PARVB: variants seen among roughly 807,000 people sequenced by gnomAD.
PARVB encodes the protein beta-parvin.
A neutral mutation model predicts 47.0 loss-of-function variants in PARVB; 46 were observed. The observed-to-expected ratio is 0.98, with a 90% confidence interval of 0.77 to 1.25. The LOEUF (loss-of-function observed/expected upper bound fraction) is 1.25. Among genes scored for constraint, PARVB ranks in the 50% most tolerant of loss-of-function variants. The pLI is 0.00. For missense variants in PARVB, 473 were observed against 471.6 expected (o/e 1.00, Z -0.03); for synonymous variants, 196 against 196.3 (o/e 1.00, Z 0.01).
chr22:44,081,308 G>A (rs1325505546), intron 1 of PARVB, among the ~76,000 whole-genome samples: 2 of 152,122 alleles, frequency 1.3e-5, no homozygotes, highest in Non-Finnish European at 2.9e-5. Context: ...AGCAGGCCGG[G>A]TCCTCCTGTT....
intron 1 of PARVB, among the ~76,000 whole-genome samples, chr22:44,051,105 A>G (rs1251228963): frequency 1.3e-5 from 2 of 152,210 alleles, no homozygotes; most frequent in Non-Finnish European, 2.9e-5. Context: ...AGTAACAGCC[A>G]TGGGGGCAGA....
In PARVB at chr22:44,100,449, G is replaced by C. The variant is rs145367555; in HGVS notation, c.273+326G>C. Among the ~76,000 whole-genome samples the C allele has an allele frequency of 7.6e-3, 1,163 of 152,252 alleles. 58 individuals carry two copies. The highest frequency in any genetic ancestry group is 0.063 in the Admixed American group (965 of 15,294). Reference sequence around the variant, plus strand: ...GCTAGTGTAGTACCTTACAGATGGAGTTGGAACTCCGTCTGGAGCCTGGTG... The same window carrying C: ...GCTAGTGTAGTACCTTACAGATGGACTTGGAACTCCGTCTGGAGCCTGGTG... On this transcript the variant is annotated intron_variant, in intron 3 of 12. Coordinates refer to ENST00000338758, the MANE Select transcript of PARVB (RefSeq NM_013327.5).
chr22:44,163,681 G>A (rs897241179), intron 11 of PARVB, among the ~76,000 whole-genome samples, 177 bp from the exon 12 acceptor site: 2 of 152,124 alleles, frequency 1.3e-5, no homozygotes, highest in Admixed American at 1.3e-4. Context: ...ATGGCCCTCC[G>A]CAGACTTCCT....
At chr22:44,131,416 A>G (rs958604138) in intron 4 of PARVB, 71 bp from the exon 5 acceptor site, 24 of 1,545,336 alleles carry the variant, frequency 1.6e-5, no homozygotes, top group Admixed American at 5.4e-5. Context: ...TGCTGGGATT[A>G]CAGGCATGAG....
chr22:44,018,821 G>T (rs934039322), intron 2 of PARVB, among the ~76,000 whole-genome samples: 2 of 152,164 alleles, frequency 1.3e-5, no homozygotes, highest in African/African-American at 4.8e-5. Context: ...CACATGGGCG[G>T]GCTTGCCATG....
At chr22:44,110,420 C>T (rs900152958) in intron 3 of PARVB, 1 of 152,004 alleles carries the variant, frequency 6.6e-6, no homozygotes, top group African/African-American at 2.4e-5. Flanking sequence ...CTTGGACACC[C>T]CTTTCTGTTC....
chr22:44,167,522 A>G (rs1343381291), intron 12 of PARVB, among the ~76,000 whole-genome samples: 1 of 152,042 alleles, frequency 6.6e-6, no homozygotes, highest in Non-Finnish European at 1.5e-5. Flanking sequence ...AGAGGGGGCC[A>G]GGAGGTGATG....
At position 44,144,235 on chromosome 22, in the gene PARVB, G is replaced by C. The variant is rs376205701; in HGVS notation, c.713-3626G>C. On this transcript the variant is annotated intron_variant, in intron 8 of 12. Coordinates refer to ENST00000338758, the MANE Select transcript of PARVB (RefSeq NM_013327.5). ...CCCAGCCCTTGGTTCATGGGTCCCA[G>C]ACTCAGGTGTCTCCAGGGACCAGGC... 3.9e-5 allele frequency: 6 copies of C among 152,298 alleles called. 1 individual carries two copies. The East Asian group carries it at 5.8e-4, about 15-fold the overall frequency. The allele number at this position is 152,298 out of a possible 1,614,324, so 9.4% of individuals were successfully genotyped here.
chr22:44,022,474 A>T (rs953462696), upstream of PARVB, among the ~76,000 whole-genome samples: 1 of 151,898 alleles, frequency 6.6e-6, no homozygotes, highest in Admixed American at 6.6e-5. Context: ...GTTCTCCTTG[A>T]CCACAAACTC....
chr22:44,087,232 G>A (rs1352999075), intron 1 of PARVB, among the ~76,000 whole-genome samples: 1 of 152,150 alleles, frequency 6.6e-6, no homozygotes, highest in Non-Finnish European at 1.5e-5. Flanking sequence ...GAAATTTCTC[G>A]CCCTGATCTT....
intron 1 of PARVB, among the ~76,000 whole-genome samples, chr22:44,058,618 G>A (rs191667889): frequency 5.8e-5 from 8 of 138,756 alleles, no homozygotes; most frequent in Non-Finnish European, 1.1e-4. Flanking sequence ...GCAATGGCAC[G>A]ATCTTGGCTC....
chr22:44,155,533 A>G lies in PARVB; in HGVS notation c.844-2449A>G, dbSNP rs570571001. On this transcript the variant is annotated intron_variant, in intron 10 of 12. Coordinates refer to ENST00000338758, the MANE Select transcript of PARVB (RefSeq NM_013327.5). This position sits in a 1 kb window ranked among gnomAD's most constrained non-coding sequence, Gnocchi z 4.8. Reference sequence around the variant, plus strand: ...AAGGAAGAAAAGACTCAGCAGGCTCAGGGCCTGCGGGAGCAGCGGCGTGGC... The same window carrying G: ...AAGGAAGAAAAGACTCAGCAGGCTCGGGGCCTGCGGGAGCAGCGGCGTGGC... Among the ~76,000 whole-genome samples, 5 of 152,302 alleles carry G rather than the reference A, an allele frequency of 3.3e-5. No individual in the cohort carries two copies. In the East Asian group the frequency reaches 5.8e-4, roughly 18 times the overall value.
chr22:44,000,364 G>A (rs2050402091), intron 2 of PARVB, among the ~76,000 whole-genome samples: 1 of 152,248 alleles, frequency 6.6e-6, no homozygotes, highest in Admixed American at 6.5e-5. Context: ...CCTTGAGCAT[G>A]TTCTCATGTG....
At chr22:44,090,037 T>C (rs954181299) in intron 1 of PARVB, among the ~76,000 whole-genome samples, 11 of 152,216 alleles carry the variant, frequency 7.2e-5, no homozygotes, top group African/African-American at 2.7e-4. Flanking sequence ...CATCCACAGC[T>C]GCCTCTCCCA....
At chr22:44,102,548 G>A (rs1403548097) in intron 3 of PARVB, among the ~76,000 whole-genome samples, 2 of 152,146 alleles carry the variant, frequency 1.3e-5, no homozygotes, top group Admixed American at 1.3e-4. Flanking sequence ...CTCAGAGAGA[G>A]GTGAAGGGGC....
intron 1 of PARVB, among the ~76,000 whole-genome samples, chr22:44,067,399 C>T (rs2051559006): frequency 6.6e-6 from 1 of 152,270 alleles, no homozygotes; most frequent in South Asian, 2.1e-4. Flanking sequence ...CCTTTCCTGA[C>T]TGATCCTCTG....
At chr22:44,073,544 C>T (rs774557192) in intron 1 of PARVB, among the ~76,000 whole-genome samples, 15 of 152,208 alleles carry the variant, frequency 9.9e-5, no homozygotes, top group Admixed American at 1.3e-4. Context: ...CAGCTCCTGA[C>T]TCTTAAACGT....
chr22:44,001,078 G>T (rs1013418613), intron 2 of PARVB, among the ~76,000 whole-genome samples: 2 of 152,186 alleles, frequency 1.3e-5, no homozygotes, highest in African/African-American at 4.8e-5. Flanking sequence ...GTGAAACCCT[G>T]TCTCTACTGA....
chr22:44,110,531 C>T (rs2052672866), intron 3 of PARVB: 1 of 152,084 alleles, frequency 6.6e-6, no homozygotes, highest in Non-Finnish European at 1.5e-5. Context: ...CAGTTTTGTT[C>T]ATCTTTTTCA....
Sources: gnomAD v4.1 joint callset for allele counts (sites outside exome capture counted in the v4.1 genomes callset) on GRCh38, gnomAD v4.1.1 for gene constraint, Gnocchi (gnomAD v3.1) non-coding constraint, MANE v1.5 for transcripts, NCBI Gene and HGNC (gene_info 2026-07-23, HGNC 2026-07-21) for gene names.